The following ZMYM2 variants were observed in gnomAD, a reference collection of about 807,000 sequenced individuals.
ZMYM2 encodes the protein zinc finger MYM-type containing 2.
A neutral mutation model predicts 162.8 loss-of-function variants in ZMYM2; 56 were observed. The observed-to-expected ratio is 0.34, with a 90% CI of 0.28 to 0.43. The LOEUF (loss-of-function observed/expected upper bound fraction) is 0.43. Ranked by LOEUF, ZMYM2 falls within the 20% of genes least tolerant of loss-of-function variation. The pLI is 1.00. For missense variants in ZMYM2, 1,275 were observed against 1,621.8 expected (o/e 0.79, Z 3.67); for synonymous variants, 510 against 541.6 (o/e 0.94, Z 0.81).
At chr13:19,988,592 G>A (rs1011201625) in intron 2 of ZMYM2, among the ~76,000 whole-genome samples, 1 of 152,060 alleles carries the variant, frequency 6.6e-6, no homozygotes, top group African/African-American at 2.4e-5. Context: ...GACCATCCTG[G>A]CCAACGTGGT....
intron 21 of ZMYM2, among the ~76,000 whole-genome samples, chr13:20,075,777 GT>G (rs1450927276): frequency 7.1e-6 from 1 of 141,222 alleles, no homozygotes; most frequent in Non-Finnish European, 1.5e-5. Flanking sequence ...CGCTTCCTGG[GT>G]TTAAGCAATT....
the ZMYM2 span, among the ~76,000 whole-genome samples, chr13:19,919,522 T>A: frequency 6.9e-6 from 1 of 145,504 alleles, no homozygotes; most frequent in African/African-American, 2.8e-5. Flanking sequence ...ATTTTTACCA[T>A]TTTTTTTAGT....
At chr13:20,071,613 C>T (rs573350764) in intron 21 of ZMYM2, among the ~76,000 whole-genome samples, 13 of 152,336 alleles carry the variant, frequency 8.5e-5, no homozygotes, top group African/African-American at 2.6e-4. Context: ...CAGTCCAGGG[C>T]ACTCTCTCTT....
intron 3 of ZMYM2, among the ~76,000 whole-genome samples, chr13:19,999,630 T>C (rs2139849551): frequency 6.6e-6 from 1 of 152,280 alleles, no homozygotes; most frequent in South Asian, 2.1e-4. Context: ...ATTTCTTGCT[T>C]TAAATCAAAA....
At chr13:19,983,433 A>G (rs534764840) in intron 2 of ZMYM2, among the ~76,000 whole-genome samples, 59 of 152,214 alleles carry the variant, frequency 3.9e-4, no homozygotes, top group African/African-American at 1.4e-3. Context: ...GGCATGAGCC[A>G]CCGTGCCCGG....
chr13:19,939,020 ATTTT>A, the ZMYM2 span, among the ~76,000 whole-genome samples: 7 of 124,134 alleles, frequency 5.6e-5, no homozygotes, highest in Admixed American at 1.8e-4. Flanking sequence ...CTTTGTTGTA[ATTTT>A]TTTTTTTTTT....
chr13:19,932,715 T>C, the ZMYM2 span, among the ~76,000 whole-genome samples: 46 of 151,856 alleles, frequency 3.0e-4, no homozygotes, highest in Non-Finnish European at 6.0e-4. Flanking sequence ...CATGTGAAGA[T>C]CCAGCAAGAA....
At chr13:20,048,196 A>G in intron 12 of ZMYM2, among the ~76,000 whole-genome samples, 1 of 152,014 alleles carries the variant, frequency 6.6e-6, no homozygotes, top group East Asian at 1.9e-4. Context: ...TCTTAATACA[A>G]ATGCCCTCTA....
At chr13:19,931,087 C>A in the ZMYM2 span, among the ~76,000 whole-genome samples, 1 of 147,102 alleles carries the variant, frequency 6.8e-6, no homozygotes, top group Non-Finnish European at 1.5e-5. Context: ...TGCAGTGAGC[C>A]GAGATGGCGC....
At chr13:19,897,687 G>C in the ZMYM2 span, among the ~76,000 whole-genome samples, 1 of 151,794 alleles carries the variant, frequency 6.6e-6, no homozygotes, top group Admixed American at 6.6e-5. Context: ...GTCAAAAACT[G>C]TTACAAGAGA....
chr13:20,002,242 T>A (rs1435235813), intron 3 of ZMYM2, among the ~76,000 whole-genome samples: 1 of 152,246 alleles, frequency 6.6e-6, no homozygotes, highest in African/African-American at 2.4e-5. Flanking sequence ...AATGTTGATA[T>A]ATGTGTTCCT....
intron 12 of ZMYM2, among the ~76,000 whole-genome samples, chr13:20,043,498 G>A (rs1003857588): frequency 1.6e-4 from 24 of 152,290 alleles, no homozygotes; most frequent in South Asian, 1.2e-3. Flanking sequence ...GCCTGTGGTT[G>A]CACTGGTGGT....
the ZMYM2 span, among the ~76,000 whole-genome samples, chr13:19,884,479 G>A: frequency 5.3e-5 from 8 of 152,026 alleles, no homozygotes; most frequent in Admixed American, 2.0e-4. Context: ...TCGGGAGGCC[G>A]AGGCAGGAAA....
upstream of ZMYM2, among the ~76,000 whole-genome samples, chr13:19,954,499 G>A (rs1954476154): frequency 6.6e-6 from 1 of 152,080 alleles, no homozygotes; most frequent in Admixed American, 6.6e-5. Context: ...TGTATAATGA[G>A]GTGGTTAATA....
At chr13:19,884,603 GGTGA>G in the ZMYM2 span, among the ~76,000 whole-genome samples, 2 of 151,990 alleles carry the variant, frequency 1.3e-5, no homozygotes, top group African/African-American at 4.8e-5. Flanking sequence ...TGGTCCTCAC[GGTGA>G]GTATTACAGC....
At chr13:19,991,589 C>G (rs952841563) in intron 2 of ZMYM2, among the ~76,000 whole-genome samples, 3 of 151,030 alleles carry the variant, frequency 2.0e-5, no homozygotes, top group Non-Finnish European at 4.4e-5. Context: ...AGAGAGTTAG[C>G]ATCTGTAAGC....
At chr13:20,038,637 CTTT>C (rs1566367014) in intron 12 of ZMYM2, among the ~76,000 whole-genome samples, 7 of 152,032 alleles carry the variant, frequency 4.6e-5, no homozygotes, top group Non-Finnish European at 8.8e-5. Context: ...TATGTGTCTG[CTTT>C]TGTACCGGTA....
chr13:19,954,001 T>C (rs1438447977), upstream of ZMYM2, among the ~76,000 whole-genome samples: 1 of 151,876 alleles, frequency 6.6e-6, no homozygotes, highest in Non-Finnish European at 1.5e-5. Context: ...TTCAGTTATA[T>C]AGTCATGTAC....
intron 6 of ZMYM2, 64 bp downstream of exon 6, chr13:20,006,650 TTTACTC>T (rs1370922128): frequency 8.2e-5 from 122 of 1,484,606 alleles, no homozygotes; most frequent in Middle Eastern, 5.2e-4. Flanking sequence ...TTGTAATACT[TTTACTC>T]TAACAGTGTT....
Sources: gnomAD v4.1 joint callset for allele counts (sites outside exome capture counted in the v4.1 genomes callset) on GRCh38, gnomAD v4.1.1 for gene constraint, MANE v1.5 for transcripts, NCBI Gene and HGNC (gene_info 2026-07-23, HGNC 2026-07-21) for gene names.